The following CDH12 variants were observed in gnomAD, a reference collection of about 807,000 sequenced individuals.
CDH12 encodes cadherin-12.
A neutral mutation model predicts 74.1 loss-of-function variants in CDH12; 41 were observed. The ratio of observed to expected loss-of-function variants is 0.55; its 90% CI spans 0.43 to 0.72. The LOEUF (loss-of-function observed/expected upper bound fraction) is 0.72. CDH12 is among the 30% of genes least tolerant of loss of function. The pLI is 0.00. For missense variants in CDH12, 945 were observed against 977.2 expected, an observed-to-expected ratio of 0.97 and a Z score of 0.44; for synonymous variants, 399 against 355.0, an observed-to-expected ratio of 1.12 and a Z score of -1.39.
intron 2 of CDH12, among the ~76,000 whole-genome samples, chr5:22,451,142 C>T (rs1745027335): frequency 6.6e-6 from 1 of 151,788 alleles, no homozygotes; most frequent in African/African-American, 2.4e-5. Flanking sequence ...ATTTGTGTGT[C>T]ATGAGAACAG....
At chr5:22,061,302 C>T (rs1307686674) in intron 5 of CDH12, among the ~76,000 whole-genome samples, 1 of 152,008 alleles carries the variant, frequency 6.6e-6, no homozygotes, top group African/African-American at 2.4e-5. Context: ...TAGGTCTTGC[C>T]TCGTGAACAA....
At chr5:21,758,693 T>C (rs1744540848) in intron 13 of CDH12, among the ~76,000 whole-genome samples, 1 of 152,132 alleles carries the variant, frequency 6.6e-6, no homozygotes, top group Non-Finnish European at 1.5e-5. Flanking sequence ...TTGTAGCAAA[T>C]GTAGTAGCGT....
At chr5:22,402,926 C>T (rs892458966) in intron 3 of CDH12, among the ~76,000 whole-genome samples, 2 of 152,028 alleles carry the variant, frequency 1.3e-5, no homozygotes, top group African/African-American at 2.4e-5. Flanking sequence ...TAAACATTGG[C>T]AGCTTGGATT....
At chr5:22,693,554 A>G (rs1157103236) in intron 1 of CDH12, among the ~76,000 whole-genome samples, 1 of 152,008 alleles carries the variant, frequency 6.6e-6, no homozygotes, top group African/African-American at 2.4e-5. Context: ...TGAAAATTTG[A>G]AAAAAAATTA....
intron 6 of CDH12, among the ~76,000 whole-genome samples, chr5:21,879,462 A>G (rs1389931253): frequency 2.0e-5 from 3 of 151,692 alleles, no homozygotes; most frequent in South Asian, 4.1e-4. Flanking sequence ...GCAGTGAAAT[A>G]TATTTGATGC....
At chr5:22,052,727 C>T (rs909998264) in intron 5 of CDH12, among the ~76,000 whole-genome samples, 8 of 152,052 alleles carry the variant, frequency 5.3e-5, no homozygotes, top group African/African-American at 1.9e-4. Context: ...TATGGAGTCT[C>T]TTCTTCAGGT....
rs116541162 is a variant in CDH12 at position 22,647,311 on chromosome 5, T to C, written c.-522-141947A>G. Among the ~76,000 whole-genome samples, 577 of 151,946 alleles carry C rather than the reference T, an allele frequency of 3.8e-3. 5 individuals carry two copies. Among genetic ancestry groups the C allele is most frequent in the African/African-American group, 0.013 (551 of 41,528 alleles). ...ATTGTTAAAATTCATTAATGGTACA[T>C]AGTATTAATATTTAAATTCTATAAC... On this transcript the variant is annotated intron_variant, in intron 1 of 14. Transcript: ENST00000382254.
intron 1 of CDH12, among the ~76,000 whole-genome samples, chr5:22,582,651 G>A (rs1467211752): frequency 1.3e-5 from 2 of 152,092 alleles, no homozygotes; most frequent in African/African-American, 4.8e-5. Context: ...GTCAAACCAT[G>A]TCATGTTTTT....
In CDH12 at chr5:22,254,129, T is replaced by C. The variant is rs534501119; in HGVS notation, c.-332-41486A>G. Among the ~76,000 whole-genome samples, 3 of 151,958 alleles carry C rather than the reference T, an allele frequency of 2.0e-5. No individual in the cohort carries two copies. In the East Asian group the frequency reaches 5.8e-4, roughly 29 times the overall value. On this transcript the variant is annotated intron_variant, in intron 3 of 14. Transcript: ENST00000382254. The stretch of plus-strand genomic sequence containing the variant: ...AGAGCATTTTGTTGTCCCTTTGCTC[T>C]TTAATGTAACCTGATAGTGCTGAAA...
chr5:22,381,398 A>T (rs2126383348), intron 3 of CDH12, among the ~76,000 whole-genome samples: 1 of 152,234 alleles, frequency 6.6e-6, no homozygotes, highest in African/African-American at 2.4e-5. Flanking sequence ...TTAATGAAAC[A>T]AATATAAGTT....
chr5:22,311,322 A>G (rs1738379312), intron 3 of CDH12, among the ~76,000 whole-genome samples: 2 of 152,236 alleles, frequency 1.3e-5, no homozygotes, highest in Admixed American at 6.5e-5. Context: ...AACATAAATT[A>G]TTGATTGGCT....
intron 1 of CDH12, among the ~76,000 whole-genome samples, chr5:22,823,784 C>T (rs1251455763): frequency 6.6e-6 from 1 of 152,044 alleles, no homozygotes; most frequent in East Asian, 1.9e-4. Context: ...GGGCTTTTTG[C>T]TCTCTCTTTG....
At chr5:22,358,113 G>A (rs915252022) in intron 3 of CDH12, among the ~76,000 whole-genome samples, 1 of 152,042 alleles carries the variant, frequency 6.6e-6, no homozygotes, top group South Asian at 2.1e-4. Context: ...TTTCCTTAAA[G>A]AATACTAATG....
intron 1 of CDH12, among the ~76,000 whole-genome samples, chr5:22,506,397 A>G (rs1376029365): frequency 1.3e-5 from 2 of 152,160 alleles, no homozygotes; most frequent in African/African-American, 2.4e-5. Context: ...TTATAATACA[A>G]TACTACACTG....
rs574544661 is a variant in CDH12, at chr5:21,898,225, T to G, written c.527-43435A>C. Among the ~76,000 whole-genome samples, 158 of 152,130 alleles carry G rather than the reference T, an allele frequency of 1.0e-3. 2 individuals are homozygous for G. Among genetic ancestry groups the G allele is most frequent in the African/African-American group, 3.7e-3 (154 of 41,546 alleles). ...TTTTTCTGTTTTTCTTTTTAATATT[T>G]TATTTTATTTTTAGAGACAGGGTCT... On this transcript the variant is annotated intron_variant, in intron 6 of 14. Coordinates refer to ENST00000382254, the MANE Select transcript of CDH12 (RefSeq NM_004061.5).
intron 1 of CDH12, among the ~76,000 whole-genome samples, chr5:22,556,046 C>A (rs551902781): frequency 6.1e-4 from 91 of 148,674 alleles, no homozygotes; most frequent in African/African-American, 2.1e-3. Flanking sequence ...CCTTTATTAT[C>A]TCTGAGAATT....
chr5:22,512,260 A>G (rs1580721399), intron 1 of CDH12, among the ~76,000 whole-genome samples: 1 of 152,208 alleles, frequency 6.6e-6, no homozygotes, highest in East Asian at 1.9e-4. Flanking sequence ...GATTCATTTT[A>G]TCAGTAAAGA....
At chr5:22,540,695 A>T (rs897416690) in intron 1 of CDH12, among the ~76,000 whole-genome samples, 1 of 152,192 alleles carries the variant, frequency 6.6e-6, no homozygotes, top group African/African-American at 2.4e-5. Context: ...TTTAAAGAAT[A>T]CATTTGTTGT....
chr5:22,264,192 A>G (rs1415432577), intron 3 of CDH12, among the ~76,000 whole-genome samples: 2 of 151,946 alleles, frequency 1.3e-5, no homozygotes, highest in Non-Finnish European at 2.9e-5. Context: ...CTTTACATAT[A>G]TTTGATTGTG....
Sources: gnomAD v4.1 joint callset for allele counts (sites outside exome capture counted in the v4.1 genomes callset) on GRCh38, gnomAD v4.1.1 for gene constraint, MANE v1.5 for transcripts, NCBI Gene and HGNC (gene_info 2026-07-23, HGNC 2026-07-21) for gene names.